The following PIEZO2 variants were observed in gnomAD, a reference collection of about 807,000 sequenced individuals.
PIEZO2 encodes the protein piezo type mechanosensitive ion channel component 2, also known as piezo-type mechanosensitive ion channel component 2.
A neutral mutation model predicts 337.3 loss-of-function variants in PIEZO2; 172 were observed. The ratio of observed to expected loss-of-function variants is 0.51; its 90% CI spans 0.45 to 0.58. The LOEUF is 0.58. Ranked by LOEUF, PIEZO2 falls within the 20% of genes least tolerant of loss-of-function variation. The probability of loss-of-function intolerance (pLI) is 0.00; values close to 1 mark genes in which losing one functional copy is unlikely to be tolerated. For synonymous variants in PIEZO2, 1,251 were observed against 1,228.5 expected, an observed-to-expected ratio of 1.02 and a Z score of -0.38; for missense variants, 3,028 against 3,391.3, an observed-to-expected ratio of 0.89 and a Z score of 2.66.
At chr18:11,023,211 C>G (rs543602247) in intron 2 of PIEZO2, among the ~76,000 whole-genome samples, 1 of 152,218 alleles carries the variant, frequency 6.6e-6, no homozygotes, top group East Asian at 1.9e-4. Context: ...GGGCAGCCTG[C>G]TTTTATTCTC....
rs1374263837 is a variant in PIEZO2 at position 10,672,352 on chromosome 18, C to T, written c.8345+338G>A. The stretch of plus-strand genomic sequence containing the variant: ...TCAAAAGCAGGATGTCTAATAGATC[C>T]ATCTGCTAAGGATTAGAAGGAAATC... On this transcript the variant is annotated intron_variant, in intron 55 of 55. Transcript: ENST00000674853. This position sits in a 1 kb window ranked among gnomAD's most constrained non-coding sequence, Gnocchi z 4.7. Among the ~76,000 whole-genome samples, 1 of 152,120 alleles carries T rather than the reference C, an allele frequency of 6.6e-6. No homozygotes were observed. Among genetic ancestry groups the T allele is most frequent in the Non-Finnish European group, 1.5e-5 (1 of 68,024 alleles).
chr18:10,684,496 T>C (rs2034455603), intron 49 of PIEZO2, among the ~76,000 whole-genome samples: 1 of 135,760 alleles, frequency 7.4e-6, no homozygotes. Flanking sequence ...TGATGGAGTC[T>C]TGCTGTCGCC....
intron 4 of PIEZO2, among the ~76,000 whole-genome samples, chr18:10,884,218 C>G (rs532956007): frequency 7.9e-5 from 12 of 152,182 alleles, no homozygotes; most frequent in African/African-American, 2.7e-4. Context: ...ATCCAGTTGT[C>G]GCAAATGAGA....
intron 36 of PIEZO2, among the ~76,000 whole-genome samples, chr18:10,730,980 C>A (rs1456323424): frequency 6.6e-6 from 1 of 152,040 alleles, no homozygotes; most frequent in Non-Finnish European, 1.5e-5. Context: ...CTCGCCTTGG[C>A]CTCCCAAAGT....
chr18:10,671,985 G>A (rs1352317776), intron 55 of PIEZO2, among the ~76,000 whole-genome samples: 2 of 152,062 alleles, frequency 1.3e-5, no homozygotes, highest in African/African-American at 4.8e-5. Flanking sequence ...ATGTATTACA[G>A]AACTGTTAGA....
chr18:10,897,014 T>C (rs1028090319), intron 4 of PIEZO2, among the ~76,000 whole-genome samples: 1 of 152,134 alleles, frequency 6.6e-6, no homozygotes, highest in South Asian at 2.1e-4. Flanking sequence ...GCAATGTCTA[T>C]CCTCAAATCC....
rs1472599494 is a variant in PIEZO2 at position 10,953,885 on chromosome 18, T to G, written c.286+25650A>C. Among the ~76,000 whole-genome samples, 4 of 152,074 alleles carry G rather than the reference T, an allele frequency of 2.6e-5. No homozygotes were observed. The East Asian group carries it at 7.7e-4, about 29-fold the overall frequency. ...AACAGCACAGGGTGCCCCTGGTTAC[T>G]ATGTGAGGACGATACTGCCTTGTTT... On this transcript the variant is annotated intron_variant, in intron 3 of 55. Coordinates refer to ENST00000674853, the MANE Select transcript of PIEZO2 (RefSeq NM_001378183.1). This position sits in a 1 kb window ranked among gnomAD's most constrained non-coding sequence, Gnocchi z 5.2.
intron 1 of PIEZO2, among the ~76,000 whole-genome samples, chr18:11,071,614 C>T (rs1462257914): frequency 1.3e-5 from 2 of 152,152 alleles, no homozygotes; most frequent in African/African-American, 2.4e-5. Flanking sequence ...AAGGCTGCAG[C>T]CTAGGGGAAG....
chr18:10,684,404 A>G (rs2034446327), intron 49 of PIEZO2, among the ~76,000 whole-genome samples: 1 of 147,988 alleles, frequency 6.8e-6, no homozygotes, highest in Non-Finnish European at 1.5e-5. Flanking sequence ...TGGCCTCGTG[A>G]TCTGCCCGCC....
intron 1 of PIEZO2, among the ~76,000 whole-genome samples, chr18:11,072,166 A>C (rs989983515): frequency 1.3e-5 from 2 of 152,146 alleles, no homozygotes; most frequent in Non-Finnish European, 2.9e-5. Flanking sequence ...GCCCTTCAGT[A>C]GGGTAGAATC....
intron 9 of PIEZO2, among the ~76,000 whole-genome samples, chr18:10,802,041 C>G (rs1218771013): frequency 1.4e-5 from 2 of 145,798 alleles, no homozygotes; most frequent in South Asian, 2.1e-4. Flanking sequence ...AGCCGAGATC[C>G]CGCCACTGCA....
intron 4 of PIEZO2, among the ~76,000 whole-genome samples, chr18:10,882,806 A>G (rs1598624761): frequency 7.0e-6 from 1 of 143,744 alleles, no homozygotes; most frequent in South Asian, 2.3e-4. Flanking sequence ...GCTAAATAAC[A>G]TTCCATTGTG....
chr18:10,898,273 T>C (rs950573225), intron 4 of PIEZO2, among the ~76,000 whole-genome samples: 1 of 152,020 alleles, frequency 6.6e-6, no homozygotes, highest in Non-Finnish European at 1.5e-5. Flanking sequence ...CACAAAAAAC[T>C]AGCCGGGCGT....
At chr18:10,718,667 A>G (rs1229331986) in intron 36 of PIEZO2, among the ~76,000 whole-genome samples, 1 of 152,204 alleles carries the variant, frequency 6.6e-6, no homozygotes, top group East Asian at 1.9e-4. Flanking sequence ...TTGCCCTATA[A>G]TGGCAGATTT....
chr18:11,104,927 T>A lies in PIEZO2; in HGVS notation c.65-38705A>T, dbSNP rs758629660. Among the ~76,000 whole-genome samples the A allele has an allele frequency of 6.6e-6, 1 of 151,976 alleles. No individual in the cohort carries two copies. The highest frequency in any genetic ancestry group is 1.5e-5 in the Non-Finnish European group (1 of 68,020). On this transcript the variant is annotated intron_variant, in intron 1 of 55. Coordinates refer to ENST00000674853, the MANE Select transcript of PIEZO2 (RefSeq NM_001378183.1). The surrounding 1 kb of genome is among the most constrained non-coding windows in gnomAD (Gnocchi z 4.6). ...CCCCCTCCCCAGGTACAATGTTTGG[T>A]GCTGGGATCCCAGCAGGGCCACAGC...
At chr18:10,722,607 A>G (rs73385143) in intron 36 of PIEZO2, among the ~76,000 whole-genome samples, 6,980 of 152,270 alleles carry the variant, frequency 0.046, 533 homozygotes, top group African/African-American at 0.16. Context: ...AAGAAAAAAA[A>G]TAAAAATTGC....
chr18:11,043,189 T>C (rs2037182695), intron 2 of PIEZO2, among the ~76,000 whole-genome samples: 1 of 151,672 alleles, frequency 6.6e-6, no homozygotes, highest in Admixed American at 6.6e-5. Context: ...GAGCCCAAAC[T>C]GAGCCAAGCA....
intron 27 of PIEZO2, among the ~76,000 whole-genome samples, chr18:10,754,997 G>A (rs1410611517): frequency 2.0e-5 from 3 of 152,144 alleles, no homozygotes; most frequent in South Asian, 2.1e-4. Flanking sequence ...AGAGCCTGGC[G>A]CAAAGGGAGT....
At chr18:11,091,631 T>C (rs1348604555) in intron 1 of PIEZO2, among the ~76,000 whole-genome samples, 1 of 152,200 alleles carries the variant, frequency 6.6e-6, no homozygotes, top group East Asian at 1.9e-4. Context: ...ATAAGAAGGC[T>C]AACTATTTCA....
Sources: allele counts gnomAD v4.1 joint callset (sites outside exome capture counted in the v4.1 genomes callset), GRCh38; gene constraint gnomAD v4.1.1; non-coding constraint Gnocchi (gnomAD v3.1); transcripts MANE v1.5; gene names NCBI Gene and HGNC (gene_info 2026-07-23, HGNC 2026-07-21).